The following SAMD5 variants were observed in gnomAD, a reference collection of about 807,000 sequenced individuals.
SAMD5 encodes sterile alpha motif domain containing 5.
A neutral mutation model predicts 11.3 loss-of-function variants in SAMD5; 13 were observed. The ratio of observed to expected loss-of-function variants is 1.15; its 90% CI spans 0.75 to 1.83. SAMD5 has a LOEUF of 1.83. SAMD5 is among the 40% of genes most tolerant of loss of function. The pLI, the probability that SAMD5 is intolerant of heterozygous loss-of-function variation, is 0.00. For missense variants in SAMD5, 255 were observed against 239.1 expected, an observed-to-expected ratio of 1.07 and a Z score of -0.44; for synonymous variants, 129 against 111.3, an observed-to-expected ratio of 1.16 and a Z score of -1.00.
the SAMD5 span, among the ~76,000 whole-genome samples, chr6:147,863,018 G>A: frequency 2.0e-5 from 3 of 152,174 alleles, no homozygotes; most frequent in East Asian, 1.9e-4. Context: ...CAAGGGGTAC[G>A]GAGGAGGGAA....
intron 1 of SAMD5, among the ~76,000 whole-genome samples, chr6:147,559,387 T>C (rs968062206): frequency 6.6e-6 from 1 of 152,194 alleles, no homozygotes; most frequent in African/African-American, 2.4e-5. Context: ...ACTCTGAATT[T>C]GTTTCTGATA....
intron 1 of SAMD5, among the ~76,000 whole-genome samples, chr6:147,661,669 G>A (rs1436717345): frequency 1.3e-5 from 2 of 152,116 alleles, no homozygotes; most frequent in Non-Finnish European, 2.9e-5. Context: ...TCTCACTGTT[G>A]CCTGGGCTGG....
At chr6:147,932,345 G>A in the SAMD5 span, among the ~76,000 whole-genome samples, 1 of 152,212 alleles carries the variant, frequency 6.6e-6, no homozygotes, top group South Asian at 2.1e-4. Flanking sequence ...TCACAAACTA[G>A]TAGGCTCAAC....
chr6:147,731,786 G>C (rs1791719838), intron 1 of SAMD5, among the ~76,000 whole-genome samples: 1 of 136,898 alleles, frequency 7.3e-6, no homozygotes, highest in African/African-American at 2.8e-5. Flanking sequence ...GCAACCAACA[G>C]AATTTAGAGT....
chr6:147,601,344 T>TA (rs1360648910), intron 1 of SAMD5, among the ~76,000 whole-genome samples: 2 of 152,092 alleles, frequency 1.3e-5, no homozygotes, highest in African/African-American at 2.4e-5. Flanking sequence ...ATCAGATTTT[T>TA]TTTTTTTGCT....
intron 1 of SAMD5, among the ~76,000 whole-genome samples, chr6:147,616,603 T>G (rs533535060): frequency 6.6e-6 from 1 of 152,174 alleles, no homozygotes; most frequent in African/African-American, 2.4e-5. Context: ...TTGTTTGGAG[T>G]GTTAATAAAT....
chr6:147,792,611 G>A, the SAMD5 span, among the ~76,000 whole-genome samples: 1 of 152,142 alleles, frequency 6.6e-6, no homozygotes, highest in Admixed American at 6.5e-5. Context: ...CCAGATCTTA[G>A]TTTCTAATTT....
At chr6:147,814,657 G>A in the SAMD5 span, among the ~76,000 whole-genome samples, 1 of 152,160 alleles carries the variant, frequency 6.6e-6, no homozygotes, top group African/African-American at 2.4e-5. Context: ...GTGTAGTTTA[G>A]AATACTTAAG....
At chr6:147,583,807 T>C (rs1049651249) in intron 1 of SAMD5, among the ~76,000 whole-genome samples, 6 of 117,522 alleles carry the variant, frequency 5.1e-5, no homozygotes, top group Non-Finnish European at 1.1e-4. Flanking sequence ...GGGAAAAAAG[T>C]GGAATTTTCA....
At chr6:147,544,741 A>G (rs1430411048) in intron 1 of SAMD5, among the ~76,000 whole-genome samples, 1 of 152,144 alleles carries the variant, frequency 6.6e-6, no homozygotes, top group Non-Finnish European at 1.5e-5. Context: ...TATTTTTTGC[A>G]TATCATTATT....
At chr6:147,876,493 TA>T in the SAMD5 span, among the ~76,000 whole-genome samples, 1 of 152,236 alleles carries the variant, frequency 6.6e-6, no homozygotes, top group African/African-American at 2.4e-5. Context: ...CTCAGTTCAC[TA>T]AAGGCTGAGA....
the SAMD5 span, among the ~76,000 whole-genome samples, chr6:147,881,864 G>T: frequency 6.6e-6 from 1 of 152,164 alleles, no homozygotes; most frequent in Admixed American, 6.5e-5. Context: ...GCTTCGATCT[G>T]GGGGGATCGA....
intron 1 of SAMD5, among the ~76,000 whole-genome samples, chr6:147,658,771 G>T (rs1790605514): frequency 6.6e-6 from 1 of 152,004 alleles, no homozygotes; most frequent in Non-Finnish European, 1.5e-5. Flanking sequence ...TGTTTATTTT[G>T]TGAGAACTGA....
At chr6:147,612,709 T>G (rs1055742059) in intron 1 of SAMD5, among the ~76,000 whole-genome samples, 13 of 152,236 alleles carry the variant, frequency 8.5e-5, no homozygotes, top group Admixed American at 7.8e-4. Context: ...CAGAGGAACC[T>G]GCTGTGTAAA....
the SAMD5 span, among the ~76,000 whole-genome samples, chr6:147,855,463 T>C: frequency 2.6e-5 from 4 of 152,082 alleles, no homozygotes; most frequent in Non-Finnish European, 5.9e-5. Context: ...CACTACACTT[T>C]CATGCAAACT....
the SAMD5 span, chr6:147,954,077 A>G: frequency 6.6e-6 from 1 of 152,210 alleles, no homozygotes; most frequent in Non-Finnish European, 1.5e-5. Flanking sequence ...CCGTAACATA[A>G]CTTTTTACCA....
chr6:147,712,401 C>T (rs1242876582), intron 1 of SAMD5, among the ~76,000 whole-genome samples: 2 of 152,202 alleles, frequency 1.3e-5, no homozygotes, highest in African/African-American at 4.8e-5. Context: ...CAGTTTTCCT[C>T]ATTTTACAGA....
rs373282999 is a variant in SAMD5, at chr6:147,509,036, C to T, written c.108C>T (p.Ile36=). ...GYDDLEVCKQ[I]GDPDLDAIGV... ...ATGACCTGGAGGTGTGCAAGCAGAT[C>T]GGGGACCCGGACCTGGATGCCATCG... Residue 36 remains isoleucine (I), a synonymous_variant, in exon 1 of 2, where the codon ATC becomes ATT. Coordinates refer to ENST00000367474, the MANE Select transcript of SAMD5 (RefSeq NM_001030060.3). 1.2e-6 allele frequency: 2 copies of T among 1,606,864 alleles called. No homozygotes were observed. Among genetic ancestry groups the T allele is most frequent in the Non-Finnish European group, 1.7e-6 (2 of 1,177,414 alleles).
intron 1 of SAMD5, among the ~76,000 whole-genome samples, chr6:147,633,576 G>T (rs541116521): frequency 6.8e-4 from 103 of 152,112 alleles, no homozygotes; most frequent in Admixed American, 3.1e-3. Context: ...GGAAAGTACT[G>T]GTATTAGCGT....
Sources: gnomAD v4.1 joint callset for allele counts (sites outside exome capture counted in the v4.1 genomes callset) on GRCh38, gnomAD v4.1.1 for gene constraint, MANE v1.5 for transcripts, NCBI Gene and HGNC (gene_info 2026-07-23, HGNC 2026-07-21) for gene names.